Variants in KIAA1755 observed in about 807,000 individuals in gnomAD.
KIAA1755 encodes KIAA1755.
KIAA1755 carries 68 observed loss-of-function variants against 91.7 expected under a neutral mutation model. That is an observed-to-expected ratio of 0.74 (90% confidence interval 0.61 to 0.91). The LOEUF is 0.91. Ranked by LOEUF, KIAA1755 falls within the 40% of genes least tolerant of loss-of-function variation. KIAA1755 has a pLI of 0.00. For synonymous variants in KIAA1755, 610 were observed against 604.6 expected (o/e 1.01, Z -0.13); for missense variants, 1,535 against 1,494.4 (o/e 1.03, Z -0.45).
intron 13 of KIAA1755, among the ~76,000 whole-genome samples, chr20:38,215,054 A>G (rs2075521087): frequency 6.6e-6 from 1 of 152,234 alleles, no homozygotes; most frequent in South Asian, 2.1e-4. Flanking sequence ...GCTGCTGCAC[A>G]CACGCTCCCC....
Position 38,225,784 on chromosome 20 carries a change from G to A in KIAA1755, c.2053-3C>T. Reference sequence around the variant, plus strand: ...TTCAATGAGGTCAGCACCTCCACCTGCAGACCAAAGAATCAGGAGAACCAG... The same window carrying A: ...TTCAATGAGGTCAGCACCTCCACCTACAGACCAAAGAATCAGGAGAACCAG... On this transcript the variant is annotated splice_polypyrimidine_tract_variant and splice_region_variant and intron_variant, in intron 7 of 13. Transcript: ENST00000279024. 1 of 1,524,274 alleles carries A rather than the reference G, an allele frequency of 6.6e-7. No homozygotes were observed. The highest frequency in any genetic ancestry group is 8.8e-7 in the Non-Finnish European group (1 of 1,134,822). 94.4% of individuals were successfully genotyped at this position (1,524,274 alleles called of 1,614,324 possible). A position where few individuals can be genotyped will look rare whatever the true frequency, so the allele number is the denominator to read the frequency against.
chr20:38,226,640 A>C (rs2075761875), intron 7 of KIAA1755, among the ~76,000 whole-genome samples: 1 of 152,188 alleles, frequency 6.6e-6, no homozygotes, highest in African/African-American at 2.4e-5. Context: ...ACTGTGGTGT[A>C]TGGCACTAAT....
chr20:38,250,498 G>GTGTGTGTGTGTC (rs1555830349), intron 1 of KIAA1755, among the ~76,000 whole-genome samples: 5 of 136,494 alleles, frequency 3.7e-5, no homozygotes, highest in Middle Eastern at 3.5e-3. Context: ...GTGTGTGTGT[G>GTGTGTGTGTGTC]TGTGTGTGTG....
At position 38,237,464 on chromosome 20, in the gene KIAA1755, T is replaced by C. The variant is rs111487956; in HGVS notation, c.1747+2064A>G. Among the ~76,000 whole-genome samples, 878 of 151,850 alleles carry C rather than the reference T, an allele frequency of 5.8e-3. 10 individuals carry two copies. The highest frequency in any genetic ancestry group is 0.019 in the African/African-American group (797 of 41,418). On this transcript the variant is annotated intron_variant, in intron 4 of 13. Coordinates refer to ENST00000279024, the MANE Select transcript of KIAA1755 (RefSeq NM_001029864.2). ...GGATTTATCTGGGTAAGTGTGAAGG[T>C]GGAAGAGGAAAGCAAGCGAGTGAGT...
chr20:38,235,121 C>CA (rs869226017), intron 4 of KIAA1755, among the ~76,000 whole-genome samples: 1 of 149,426 alleles, frequency 6.7e-6, no homozygotes, highest in Non-Finnish European at 1.5e-5. Flanking sequence ...AGCATTTTTT[C>CA]ATATCAAAAC....
At chr20:38,249,459 G>A (rs1291195295) in intron 1 of KIAA1755, among the ~76,000 whole-genome samples, 1 of 152,216 alleles carries the variant, frequency 6.6e-6, no homozygotes, top group Non-Finnish European at 1.5e-5. Context: ...GAGGAGGAGG[G>A]TGGCATTTCT....
Position 38,213,125 on chromosome 20 carries a change from C to A in KIAA1755, c.3520G>T (p.Gly1174Trp). 1 of 1,609,592 alleles carries A rather than the reference C, an allele frequency of 6.2e-7. No individual in the cohort carries two copies. The highest frequency in any genetic ancestry group is 8.5e-7 in the Non-Finnish European group (1 of 1,177,272). The change falls in exon 14 of 14, where the codon GGG becomes TGG. Residue 1174 changes from glycine (G) to tryptophan (W), a missense_variant. Coordinates refer to ENST00000279024, the MANE Select transcript of KIAA1755 (RefSeq NM_001029864.2). ...GTCCCCTCTGAGGAGAAGCTGCCCCCAGTGAGGCGAGGGACCTGGCTCTGC... is the reference window on the plus strand; with the variant it reads ...GTCCCCTCTGAGGAGAAGCTGCCCCAAGTGAGGCGAGGGACCTGGCTCTGC... ...PRQSQVPRLTGGSFSSEGTDS... is the reference protein window; with the variant it reads ...PRQSQVPRLTWGSFSSEGTDS...
intron 4 of KIAA1755, chr20:38,233,524 G>A (rs2075905688): frequency 6.6e-6 from 1 of 152,134 alleles, no homozygotes; most frequent in Admixed American, 6.5e-5. Flanking sequence ...TGCTGATGAG[G>A]AAACTGGGGT....
chr20:38,213,808 T>A, intron 13 of KIAA1755, 65 bp from the exon 14 acceptor site: 1 of 1,172,456 alleles, frequency 8.5e-7, no homozygotes, highest in Non-Finnish European at 1.2e-6. Context: ...AGGACTGAAT[T>A]AATAAGTGCC....
chr20:38,243,389 C>T (rs1398073199), intron 2 of KIAA1755, among the ~76,000 whole-genome samples: 3 of 152,184 alleles, frequency 2.0e-5, no homozygotes, highest in Non-Finnish European at 4.4e-5. Flanking sequence ...TTTCTCGACC[C>T]TTTTCACTTA....
chr20:38,241,967 C>G, intron 2 of KIAA1755, 38 bp from the exon 3 acceptor site: 1 of 1,579,934 alleles, frequency 6.3e-7, no homozygotes. Context: ...GAACCTGGCC[C>G]TGAAAGGCTC....
rs373291152 is a variant in KIAA1755 at position 38,244,889 on chromosome 20, G to A, written c.201+1040C>T. 1.4e-4 allele frequency among the ~76,000 whole-genome samples: 22 copies of A among 152,172 alleles called. No homozygotes were observed. In the East Asian group the frequency reaches 1.9e-3, roughly 13 times the overall value. ...ACTACAGGCATGTGCCACCACGCCC[G>A]GCTAATTTTTGTATTTTTAGTAGAG... On this transcript the variant is annotated intron_variant, in intron 2 of 13. Coordinates refer to ENST00000279024, the MANE Select transcript of KIAA1755 (RefSeq NM_001029864.2).
intron 1 of KIAA1755, among the ~76,000 whole-genome samples, chr20:38,246,444 G>A (rs1229274924): frequency 6.8e-6 from 1 of 146,112 alleles, no homozygotes; most frequent in Non-Finnish European, 1.5e-5. Context: ...ACGGAGACGT[G>A]GAGGAATAGG....
chr20:38,219,936 C>T (rs1568735064), intron 10 of KIAA1755, among the ~76,000 whole-genome samples, 168 bp from the exon 11 acceptor site: 1 of 152,202 alleles, frequency 6.6e-6, no homozygotes, highest in Admixed American at 6.5e-5. Context: ...CAGCCTTGGT[C>T]TTCCATGGGA....
chr20:38,229,656 C>T (rs1568747225), intron 5 of KIAA1755, among the ~76,000 whole-genome samples: 2 of 152,218 alleles, frequency 1.3e-5, no homozygotes, highest in Admixed American at 1.3e-4. Flanking sequence ...ACCAGCCCAG[C>T]ACACAAGCAC....
chr20:38,213,178 G>T lies in KIAA1755; in HGVS notation c.3467C>A (p.Thr1156Asn). Residue 1156 changes from threonine (T) to asparagine (N), a missense_variant, in exon 14 of 14, where the codon ACC becomes AAC. Coordinates refer to ENST00000279024, the MANE Select transcript of KIAA1755 (RefSeq NM_001029864.2). ...PDPAREHLLATTFFRQQPPRQ... is the reference protein window; with the variant it reads ...PDPAREHLLANTFFRQQPPRQ... ...GGGGGGCTGCTGCCGGAAGAAGGTG[G>T]TGGCAAGCAAATGCTCGCGGGCAGG... 6.2e-7 allele frequency: 1 copy of T among 1,613,824 alleles called. No individual in the cohort carries two copies.
chr20:38,247,924 T>C (rs2076184903), intron 1 of KIAA1755, among the ~76,000 whole-genome samples: 3 of 152,142 alleles, frequency 2.0e-5, no homozygotes, highest in Admixed American at 2.0e-4. Flanking sequence ...TCCCATCTCT[T>C]ATTACATTAA....
At chr20:38,237,728 C>G (rs1321548707) in intron 4 of KIAA1755, among the ~76,000 whole-genome samples, 2 of 151,176 alleles carry the variant, frequency 1.3e-5, no homozygotes, top group African/African-American at 4.9e-5. Context: ...GATGATGAAA[C>G]TTGGGGCAGT....
intron 5 of KIAA1755, 142 bp downstream of exon 5, chr20:38,231,060 C>T (rs2075852206): frequency 5.6e-6 from 5 of 886,180 alleles, no homozygotes; most frequent in African/African-American, 5.1e-5. Flanking sequence ...TGCTTTCCCC[C>T]GGCATCTGTC....
Sources: allele counts gnomAD v4.1 joint callset (sites outside exome capture counted in the v4.1 genomes callset), GRCh38; gene constraint gnomAD v4.1.1; transcripts MANE v1.5; gene names NCBI Gene and HGNC (gene_info 2026-07-23, HGNC 2026-07-21).